Variants in SCFD2 observed in about 807,000 individuals in gnomAD.
SCFD2 encodes sec1 family domain-containing protein 2.
SCFD2 carries 54 observed loss-of-function variants against 58.9 expected under a neutral mutation model. That is an observed-to-expected ratio of 0.92 (90% CI 0.74 to 1.15). The LOEUF is 1.15. Ranked by LOEUF, SCFD2 falls within the 50% of genes most tolerant of loss-of-function variation. The probability of loss-of-function intolerance (pLI) is 0.00; values close to 1 mark genes in which losing one functional copy is unlikely to be tolerated. For synonymous variants in SCFD2, 321 were observed against 335.9 expected (o/e 0.96, Z 0.49); for missense variants, 805 against 836.6 (o/e 0.96, Z 0.47).
intron 4 of SCFD2, among the ~76,000 whole-genome samples, chr4:53,239,812 T>C (rs1729834579): frequency 1.3e-5 from 2 of 152,178 alleles, no homozygotes; most frequent in South Asian, 4.1e-4. Flanking sequence ...TACTTACATT[T>C]CACTGTATAG....
At chr4:53,159,901 C>T (rs1479476371) in intron 4 of SCFD2, among the ~76,000 whole-genome samples, 5 of 152,002 alleles carry the variant, frequency 3.3e-5, no homozygotes, top group Admixed American at 3.3e-4. Context: ...ATACCTACCA[C>T]TATATGAAAA....
Position 52,916,365 on chromosome 4 carries a change from T to A in SCFD2, c.1707+4360A>T, listed in dbSNP as rs138192421. Among the ~76,000 whole-genome samples the A allele has an allele frequency of 1.2e-4, 19 of 152,044 alleles. No individual in the cohort carries two copies. The East Asian group carries it at 3.5e-3, about 28-fold the overall frequency. On this transcript the variant is annotated intron_variant, in intron 6 of 8. Coordinates refer to ENST00000401642, the MANE Select transcript of SCFD2 (RefSeq NM_152540.4). Reference sequence around the variant, plus strand: ...TGGGCAGATCACCTGAGGTCAGGAGTTCAAGACCAGCCTCGCCAACATGGC... The same window carrying A: ...TGGGCAGATCACCTGAGGTCAGGAGATCAAGACCAGCCTCGCCAACATGGC...
chr4:53,015,624 C>T (rs1234817675), intron 5 of SCFD2, among the ~76,000 whole-genome samples: 1 of 152,136 alleles, frequency 6.6e-6, no homozygotes, highest in African/African-American at 2.4e-5. Flanking sequence ...GTGTACCCAA[C>T]CCCAGTTTAT....
intron 3 of SCFD2, among the ~76,000 whole-genome samples, chr4:53,294,899 C>T (rs1041138423): frequency 1.3e-5 from 2 of 152,200 alleles, no homozygotes; most frequent in Non-Finnish European, 2.9e-5. Flanking sequence ...ATAGGGAATT[C>T]TTTCCCCATT....
intron 5 of SCFD2, among the ~76,000 whole-genome samples, chr4:53,123,996 C>T (rs772310338): frequency 3.3e-5 from 5 of 152,138 alleles, no homozygotes; most frequent in South Asian, 2.1e-4. Flanking sequence ...CAGTCCCATA[C>T]TAGGAAGCAA....
At chr4:52,892,155 T>C (rs990510872) in intron 7 of SCFD2, among the ~76,000 whole-genome samples, 1 of 152,182 alleles carries the variant, frequency 6.6e-6, no homozygotes, top group Non-Finnish European at 1.5e-5. Context: ...ATAGAAACAA[T>C]GTTAACACTG....
chr4:52,911,278 T>A lies in SCFD2; in HGVS notation c.1708-3687A>T, dbSNP rs953651993. Reference sequence around the variant, plus strand: ...ACTGGGAGACAGGGGAAAGCAGGAGTTATGGAGGGATTGGGGTAAGTAGGG... The same window carrying A: ...ACTGGGAGACAGGGGAAAGCAGGAGATATGGAGGGATTGGGGTAAGTAGGG... On this transcript the variant is annotated intron_variant, in intron 6 of 8. Coordinates refer to ENST00000401642, the MANE Select transcript of SCFD2 (RefSeq NM_152540.4). Among the ~76,000 whole-genome samples the A allele has an allele frequency of 2.0e-5, 3 of 151,770 alleles. 1 individual carries two copies. In the East Asian group the frequency reaches 5.8e-4, roughly 29 times the overall value.
intron 5 of SCFD2, among the ~76,000 whole-genome samples, chr4:52,921,192 AC>A (rs1320609445): frequency 6.6e-6 from 1 of 152,200 alleles, no homozygotes; most frequent in African/African-American, 2.4e-5. Flanking sequence ...AATCCTCGGA[AC>A]ACGACTTTGG....
chr4:53,314,402 G>A (rs1430027330), intron 2 of SCFD2, among the ~76,000 whole-genome samples: 2 of 152,194 alleles, frequency 1.3e-5, no homozygotes, highest in Non-Finnish European at 2.9e-5. Context: ...TTATATGCAA[G>A]GTCTCATCTG....
intron 4 of SCFD2, among the ~76,000 whole-genome samples, chr4:53,248,167 G>A (rs1255377597): frequency 1.3e-5 from 2 of 152,186 alleles, no homozygotes; most frequent in African/African-American, 4.8e-5. Context: ...GTGACAGACG[G>A]CACCTTGAAA....
intron 5 of SCFD2, among the ~76,000 whole-genome samples, chr4:53,092,225 A>C (rs1024695889): frequency 3.3e-5 from 5 of 152,160 alleles, no homozygotes; most frequent in African/African-American, 1.2e-4. Context: ...CTTTTGGTGG[A>C]TTTACATTAT....
chr4:53,302,005 G>A (rs1732322714), intron 3 of SCFD2, among the ~76,000 whole-genome samples: 1 of 152,114 alleles, frequency 6.6e-6, no homozygotes, highest in Non-Finnish European at 1.5e-5. Context: ...ATACTGAATA[G>A]GCAAAAACTG....
chr4:53,097,892 C>A (rs1020090378), intron 5 of SCFD2, among the ~76,000 whole-genome samples: 1 of 152,114 alleles, frequency 6.6e-6, no homozygotes, highest in African/African-American at 2.4e-5. Context: ...TATGTCCAAT[C>A]AATACTTAAT....
chr4:53,067,591 C>A (rs950295792), intron 5 of SCFD2, among the ~76,000 whole-genome samples: 2 of 151,954 alleles, frequency 1.3e-5, no homozygotes, highest in African/African-American at 4.8e-5. Flanking sequence ...CTCATGATAT[C>A]TGATGGTTTT....
chr4:53,116,470 T>C (rs776919651), intron 5 of SCFD2, among the ~76,000 whole-genome samples: 2 of 152,182 alleles, frequency 1.3e-5, no homozygotes, highest in African/African-American at 4.8e-5. Flanking sequence ...ACTTTATTGG[T>C]AGAAGTAAAT....
chr4:53,017,563 T>C (rs959066288), intron 5 of SCFD2, among the ~76,000 whole-genome samples: 1 of 152,246 alleles, frequency 6.6e-6, no homozygotes, highest in Non-Finnish European at 1.5e-5. Flanking sequence ...TCCCTGAGAA[T>C]ATGGACTTTA....
At chr4:53,260,048 A>G (rs1730783952) in intron 4 of SCFD2, among the ~76,000 whole-genome samples, 1 of 151,152 alleles carries the variant, frequency 6.6e-6, no homozygotes, top group Non-Finnish European at 1.5e-5. Context: ...CAAGGTATAT[A>G]GTGGTTTATA....
At chr4:53,295,984 A>T (rs1214094513) in intron 3 of SCFD2, among the ~76,000 whole-genome samples, 1 of 152,216 alleles carries the variant, frequency 6.6e-6, no homozygotes, top group African/African-American at 2.4e-5. Flanking sequence ...CCTGGGATGA[A>T]GCTGGCTTGA....
intron 3 of SCFD2, among the ~76,000 whole-genome samples, chr4:53,299,730 C>G (rs762806061): frequency 1.1e-3 from 162 of 152,322 alleles, no homozygotes; most frequent in Non-Finnish European, 2.0e-3. Flanking sequence ...GGAAGCCCAT[C>G]AGACTAAGAG....
Sources: gnomAD v4.1 joint callset for allele counts (sites outside exome capture counted in the v4.1 genomes callset) on GRCh38, gnomAD v4.1.1 for gene constraint, MANE v1.5 for transcripts, NCBI Gene and HGNC (gene_info 2026-07-23, HGNC 2026-07-21) for gene names.